Variants in LRCOL1 observed in about 807,000 individuals in gnomAD.
LRCOL1 encodes leucine rich colipase like 1, also known as leucine-rich colipase-like protein 1.
Under a neutral mutation model 21.6 loss-of-function variants are expected in LRCOL1, and 21 were observed. That is an observed-to-expected ratio of 0.97 (90% CI 0.69 to 1.40). LRCOL1 has a LOEUF of 1.40. LRCOL1 is among the 40% of genes most tolerant of loss of function. The pLI is 0.00. For synonymous variants in LRCOL1, 98 were observed against 90.1 expected, an observed-to-expected ratio of 1.09 and a Z score of -0.49; for missense variants, 198 against 202.3, an observed-to-expected ratio of 0.98 and a Z score of 0.13.
rs1209124272 is a variant in LRCOL1 at position 132,604,298 on chromosome 12, G to C, written c.433C>G (p.Arg145Gly). The C allele has an allele frequency of 6.5e-7, 1 of 1,535,708 alleles. No individual in the cohort carries two copies. The highest frequency in any genetic ancestry group is 1.4e-5 in the African/African-American group (1 of 73,172). ...CIQLREYSPF[R>G]CIPRTGILAQ... ...AGGATCCCGGTCCGGGGAATGCAGC[G>C]GAAGGGGCTGTACTCCCTCAGCTGG... is the stretch of plus-strand genomic sequence containing the variant. The change falls in exon 5 of 6, where the codon CGC (arginine) becomes GGC (glycine). Residue 145 changes from arginine to glycine, a missense_variant. Physicochemically the swap from Arg to Gly is moderately radical, Grantham distance 125. Transcript: ENST00000376608.
At chr12:132,604,422 G>A in intron 4 of LRCOL1, 40 bp downstream of exon 4, 4 of 1,533,008 alleles carry the variant, frequency 2.6e-6, no homozygotes, top group Non-Finnish European at 3.5e-6. Context: ...GCTGTCTCCG[G>A]CTACCCCTGC....
Position 132,606,091 on chromosome 12 carries a change from C to T in LRCOL1, c.105+56G>A. ...GCAAGGGCCTCAGGGGCGCCCGGCACCCACCTTATGGCGCGTGTGGGGCCT... is the reference window on the plus strand; with the variant it reads ...GCAAGGGCCTCAGGGGCGCCCGGCATCCACCTTATGGCGCGTGTGGGGCCT... On this transcript the variant is annotated intron_variant, in intron 2 of 5. Transcript: ENST00000376608. This position sits in a 1 kb window ranked among gnomAD's most constrained non-coding sequence, Gnocchi z 4.6. The T allele has an allele frequency of 4.0e-6, 6 of 1,514,794 alleles. No homozygotes were observed. Among genetic ancestry groups the T allele is most frequent in the Non-Finnish European group, 5.3e-6 (6 of 1,128,814 alleles). 93.8% of individuals were successfully genotyped at this position (1,514,794 alleles called of 1,614,324 possible).
intron 1 of LRCOL1, among the ~76,000 whole-genome samples, chr12:132,609,674 G>A (rs779818295): frequency 2.0e-5 from 3 of 152,174 alleles, no homozygotes; most frequent in Non-Finnish European, 4.4e-5. Flanking sequence ...TCCAGCCTGG[G>A]CAACAGAGTG....
chr12:132,604,467 G>A lies in LRCOL1; in HGVS notation c.349C>T (p.Arg117Cys), dbSNP rs867958974. 8.5e-6 allele frequency: 13 copies of A among 1,535,134 alleles called. No individual in the cohort carries two copies. The highest frequency in any genetic ancestry group is 3.3e-4 in the Middle Eastern group (2 of 6,006). Residue 117 changes from arginine (R) to cysteine (C), a missense_variant, in exon 4 of 6, where the codon CGC (arginine) becomes TGC (cysteine). Transcript: ENST00000376608. ...QSVFLQCVPWRKPNGDFCSSH... is the reference protein window; with the variant it reads ...QSVFLQCVPWCKPNGDFCSSH... The stretch of plus-strand genomic sequence containing the variant: ...CCCGGGTGCCCGCAGCTCACCTTGC[G>A]CCAGGGCACACACTGCAGGAAGACG...
chr12:132,606,333 G>A lies in LRCOL1; in HGVS notation c.-13-69C>T. ...TTGTCCTGCCTGGCACCTGGTGCTG[G>A]CCTCCCCACTCCCTTCCCATCCCTT... On this transcript the variant is annotated intron_variant, in intron 1 of 5. Transcript: ENST00000376608. This position sits in a 1 kb window ranked among gnomAD's most constrained non-coding sequence, Gnocchi z 4.6. 1 of 1,337,676 alleles carries A rather than the reference G, an allele frequency of 7.5e-7. No homozygotes were observed. Among genetic ancestry groups the A allele is most frequent in the Non-Finnish European group, 1.0e-6 (1 of 974,292 alleles). 82.9% of individuals were successfully genotyped at this position (1,337,676 alleles called of 1,614,324 possible).
rs760023171 is a variant in LRCOL1, at chr12:132,608,089, G to A, written c.-13-1825C>T. ...TTTCTTAAATTCCTCATGTTATCTC[G>A]CGTGCACTCAGGGGAAAGGTGGAGC... On this transcript the variant is annotated intron_variant, in intron 1 of 5. Coordinates refer to ENST00000376608, the MANE Select transcript of LRCOL1 (RefSeq NM_001195520.2). Among the ~76,000 whole-genome samples the A allele has an allele frequency of 5.3e-5, 8 of 151,790 alleles. No individual in the cohort carries two copies. In the South Asian group the frequency reaches 1.0e-3, roughly 20 times the overall value.
rs1655119212 is a variant in LRCOL1 at position 132,603,357 on chromosome 12, TCCCAGGGCC to T, written c.*36_*44del. 4.6e-6 allele frequency: 7 copies of T among 1,536,034 alleles called. No individual in the cohort carries two copies. Among genetic ancestry groups the T allele is most frequent in the Non-Finnish European group, 6.1e-6 (7 of 1,146,806 alleles). On this transcript the variant is annotated 3_prime_UTR_variant, in exon 6 of 6. Coordinates refer to ENST00000376608, the MANE Select transcript of LRCOL1 (RefSeq NM_001195520.2). ...CGCGCAACGCGGTCCTGCGTGAACA[TCCCAGGGCC>T]CAGGCCGGTCCCTCGCGCCCAGGTT...
chr12:132,605,599 C>T (rs184967582), intron 2 of LRCOL1, among the ~76,000 whole-genome samples: 153 of 152,030 alleles, frequency 1.0e-3, no homozygotes, highest in Non-Finnish European at 1.4e-3. Context: ...CGTGGTGGCG[C>T]GCGCCTGTAA....
intron 2 of LRCOL1, 26 bp from the exon 3 acceptor site, chr12:132,604,857 C>T (rs1444264393): frequency 9.8e-6 from 15 of 1,534,434 alleles, no homozygotes; most frequent in Non-Finnish European, 1.3e-5. Flanking sequence ...CCAGCTCGCT[C>T]ACCTGTTCCT....
Position 132,606,106 on chromosome 12 carries a change from G to C in LRCOL1, c.105+41C>G. 6.6e-7 allele frequency: 1 copy of C among 1,524,796 alleles called. No individual in the cohort carries two copies. The highest frequency in any genetic ancestry group is 8.8e-7 in the Non-Finnish European group (1 of 1,136,922). The allele number at this position is 1,524,796 out of a possible 1,614,324, so 94.5% of individuals were successfully genotyped here. On this transcript the variant is annotated intron_variant, in intron 2 of 5. Coordinates refer to ENST00000376608, the MANE Select transcript of LRCOL1 (RefSeq NM_001195520.2). The surrounding 1 kb of genome is among the most constrained non-coding windows in gnomAD (Gnocchi z 4.6). ...GCGCCCGGCACCCACCTTATGGCGCGTGTGGGGCCTGCAGGGGCATCAGGG... is the reference window on the plus strand; with the variant it reads ...GCGCCCGGCACCCACCTTATGGCGCCTGTGGGGCCTGCAGGGGCATCAGGG...
At chr12:132,607,721 GTC>G (rs201221790) in intron 1 of LRCOL1, among the ~76,000 whole-genome samples, 2 of 141,860 alleles carry the variant, frequency 1.4e-5, no homozygotes, top group Non-Finnish European at 3.2e-5. Context: ...CTCTGTCTCT[GTC>G]TCTCTGTCTC....
At chr12:132,608,482 T>C (rs1290652747) in intron 1 of LRCOL1, among the ~76,000 whole-genome samples, 1 of 152,258 alleles carries the variant, frequency 6.6e-6, no homozygotes, top group Non-Finnish European at 1.5e-5. Context: ...AAATGAGTCA[T>C]GTCGACACTT....
rs1203530895 is a variant in LRCOL1, at chr12:132,603,349, C to T, written c.*53G>A. 8 of 1,535,490 alleles carry T rather than the reference C, an allele frequency of 5.2e-6. No homozygotes were observed. In the South Asian group the frequency reaches 6.0e-5, roughly 11 times the overall value. The stretch of plus-strand genomic sequence containing the variant: ...CCAGCCCCCGCGCAACGCGGTCCTG[C>T]GTGAACATCCCAGGGCCCAGGCCGG... On this transcript the variant is annotated 3_prime_UTR_variant, in exon 6 of 6. Transcript: ENST00000376608.
At chr12:132,605,740 CTCTCTT>C (rs1001824927) in intron 2 of LRCOL1, 152 of 129,986 alleles carry the variant, frequency 1.2e-3, no homozygotes, top group Middle Eastern at 7.3e-3. Flanking sequence ...CTCTCTCTCT[CTCTCTT>C]ACACACACAC....
intron 2 of LRCOL1, among the ~76,000 whole-genome samples, chr12:132,605,446 T>C (rs369862690): frequency 2.0e-5 from 3 of 152,264 alleles, no homozygotes; most frequent in Admixed American, 6.5e-5. Context: ...GTATATTTTC[T>C]GGCCAGGCGC....
intron 1 of LRCOL1, among the ~76,000 whole-genome samples, chr12:132,609,084 C>T (rs1400000563): frequency 2.6e-5 from 4 of 152,192 alleles, no homozygotes; most frequent in East Asian, 1.9e-4. Flanking sequence ...GTGATATGTA[C>T]GCACAATGGG....
At chr12:132,608,756 C>T (rs530359582) in intron 1 of LRCOL1, among the ~76,000 whole-genome samples, 2 of 152,330 alleles carry the variant, frequency 1.3e-5, no homozygotes, top group South Asian at 4.1e-4. Context: ...AATGTAACTA[C>T]ATAAAAGCTA....
chr12:132,603,760 C>T, intron 5 of LRCOL1: 4 of 985,464 alleles, frequency 4.1e-6, no homozygotes, highest in Non-Finnish European at 4.8e-6. Flanking sequence ...GTTTGCGCCG[C>T]TGGCGACCTG....
chr12:132,607,983 GTCTCTGTCTC>G (rs1297237564), intron 1 of LRCOL1, among the ~76,000 whole-genome samples: 1 of 106,320 alleles, frequency 9.4e-6, no homozygotes, highest in African/African-American at 3.6e-5. Flanking sequence ...CTGTCTCCCT[GTCTCTGTCTC>G]TCTCTGTCTC....
Sources: gnomAD v4.1 joint callset for allele counts (sites outside exome capture counted in the v4.1 genomes callset) on GRCh38, gnomAD v4.1.1 for gene constraint, Gnocchi (gnomAD v3.1) non-coding constraint, MANE v1.5 for transcripts, NCBI Gene and HGNC (gene_info 2026-07-23, HGNC 2026-07-21) for gene names.